Variants in PRKCE observed in about 807,000 individuals in gnomAD.
PRKCE encodes the protein protein kinase C epsilon type.
Under a neutral mutation model 85.4 loss-of-function variants are expected in PRKCE, and 16 were observed. The ratio of observed to expected loss-of-function variants is 0.19; its 90% CI spans 0.13 to 0.28. The LOEUF is 0.28. Ranked by LOEUF, PRKCE falls within the 10% of genes least tolerant of loss-of-function variation. PRKCE has a pLI of 1.00. For missense variants in PRKCE, 573 were observed against 975.2 expected (o/e 0.59, Z 5.49); for synonymous variants, 388 against 371.5 (o/e 1.04, Z -0.51).
intron 2 of PRKCE, among the ~76,000 whole-genome samples, chr2:45,877,500 A>T (rs752435960): frequency 1.3e-5 from 2 of 152,098 alleles, no homozygotes; most frequent in Non-Finnish European, 2.9e-5. Flanking sequence ...CTGACTGATT[A>T]AGTCTCTTTC....
chr2:46,126,240 A>G (rs927926118), intron 11 of PRKCE, among the ~76,000 whole-genome samples: 4 of 152,172 alleles, frequency 2.6e-5, no homozygotes, highest in African/African-American at 9.7e-5. Flanking sequence ...TAACCATCAG[A>G]TATTTACTAA....
chr2:45,961,491 T>C (rs1701374302), intron 2 of PRKCE, among the ~76,000 whole-genome samples: 1 of 152,188 alleles, frequency 6.6e-6, no homozygotes, highest in Non-Finnish European at 1.5e-5. Flanking sequence ...AAAGTCTTGT[T>C]ATTTGTTTGA....
At chr2:46,047,415 A>G (rs746470690) in intron 10 of PRKCE, among the ~76,000 whole-genome samples, 4 of 152,256 alleles carry the variant, frequency 2.6e-5, no homozygotes, top group Admixed American at 6.5e-5. Flanking sequence ...AACAAGAGAC[A>G]GAAAAAACAC....
chr2:45,732,037 T>G (rs1375143716), intron 1 of PRKCE, among the ~76,000 whole-genome samples: 1 of 152,186 alleles, frequency 6.6e-6, no homozygotes, highest in Non-Finnish European at 1.5e-5. Flanking sequence ...AGAAAGTCTT[T>G]CCTGTAAGTT....
At chr2:45,846,723 G>T (rs1298984445) in intron 2 of PRKCE, among the ~76,000 whole-genome samples, 1 of 152,210 alleles carries the variant, frequency 6.6e-6, no homozygotes, top group Non-Finnish European at 1.5e-5. Flanking sequence ...GAGTCCTTCA[G>T]ACCTGGATTG....
intron 1 of PRKCE, among the ~76,000 whole-genome samples, chr2:45,790,095 T>C (rs560980906): frequency 6.6e-6 from 1 of 152,334 alleles, no homozygotes; most frequent in Non-Finnish European, 1.5e-5. Flanking sequence ...TCTTTTGTGA[T>C]GGCTCTTGGG....
intron 1 of PRKCE, among the ~76,000 whole-genome samples, chr2:45,817,027 T>C (rs901283517): frequency 6.6e-5 from 10 of 150,590 alleles, no homozygotes; most frequent in African/African-American, 2.5e-4. Flanking sequence ...AAAGAGATCG[T>C]TGTGTAAAGA....
intron 1 of PRKCE, among the ~76,000 whole-genome samples, chr2:45,820,845 G>A (rs1689470341): frequency 6.6e-6 from 1 of 152,130 alleles, no homozygotes; most frequent in Non-Finnish European, 1.5e-5. Flanking sequence ...GTTGACCTTA[G>A]TGGCAGAAGC....
intron 2 of PRKCE, among the ~76,000 whole-genome samples, chr2:45,870,248 G>T (rs1048488639): frequency 6.6e-6 from 1 of 152,196 alleles, no homozygotes; most frequent in Non-Finnish European, 1.5e-5. Flanking sequence ...TGCTAGAAAT[G>T]CAGAACCCAA....
chr2:45,659,583 C>G (rs1326796463), intron 1 of PRKCE, among the ~76,000 whole-genome samples: 1 of 152,202 alleles, frequency 6.6e-6, no homozygotes, highest in South Asian at 2.1e-4. Context: ...CTCTCTGACC[C>G]TATCACTTGC....
chr2:45,717,042 AAGATG>A (rs10610065), intron 1 of PRKCE, among the ~76,000 whole-genome samples: 129,677 of 151,644 alleles, frequency 0.86, 55,774 homozygotes, highest in East Asian at 0.94. Flanking sequence ...TGGGTACTAC[AAGATG>A]AGATGAGATT....
rs554546832 is a variant in PRKCE, at chr2:45,874,533, A to C, written c.412+31470A>C. On this transcript the variant is annotated intron_variant, in intron 2 of 14. Transcript: ENST00000306156. ...CTTAGAGGCAAGTGACAGCCTTCCC[A>C]GACTCCCTGCCTCCTTCTTGTCTCA... 1.6e-4 allele frequency among the ~76,000 whole-genome samples: 24 copies of C among 152,334 alleles called. No individual in the cohort carries two copies. In the South Asian group the frequency reaches 4.1e-3, roughly 26 times the overall value.
At chr2:46,142,214 G>T (rs1675608643) in intron 11 of PRKCE, among the ~76,000 whole-genome samples, 1 of 152,094 alleles carries the variant, frequency 6.6e-6, no homozygotes, top group African/African-American at 2.4e-5. Flanking sequence ...GGGCTTCCCT[G>T]AGCTATCCCA....
intron 2 of PRKCE, among the ~76,000 whole-genome samples, chr2:45,973,687 T>C (rs1702252632): frequency 6.6e-6 from 1 of 152,202 alleles, no homozygotes; most frequent in African/African-American, 2.4e-5. Flanking sequence ...TTGAAATGAA[T>C]AGAGTCAAAT....
intron 10 of PRKCE, among the ~76,000 whole-genome samples, chr2:46,015,691 C>CAAAAAAAAAAAA (rs749060776): frequency 2.5e-5 from 2 of 80,798 alleles, no homozygotes; most frequent in Non-Finnish European, 4.9e-5. Flanking sequence ...AACACTAAAC[C>CAAAAAAAAAAAA]AAAAAAAAAA....
chr2:45,826,678 C>A (rs1379741348), intron 1 of PRKCE, among the ~76,000 whole-genome samples: 1 of 152,146 alleles, frequency 6.6e-6, no homozygotes, highest in Non-Finnish European at 1.5e-5. Context: ...CCAGTGCAAA[C>A]CTGCTCCTGT....
At chr2:46,035,501 C>T (rs75730981) in intron 10 of PRKCE, among the ~76,000 whole-genome samples, 3,164 of 152,302 alleles carry the variant, frequency 0.021, 111 homozygotes, top group African/African-American at 0.072. Flanking sequence ...CTCATAACTC[C>T]CCTCTTTAGT....
chr2:45,768,648 G>A (rs559110452), intron 1 of PRKCE, among the ~76,000 whole-genome samples: 66 of 152,142 alleles, frequency 4.3e-4, no homozygotes, highest in Non-Finnish European at 7.6e-4. Context: ...GACAGAGAAT[G>A]GATATTGAGC....
At chr2:46,024,984 G>A (rs1337438181) in intron 10 of PRKCE, among the ~76,000 whole-genome samples, 1 of 152,096 alleles carries the variant, frequency 6.6e-6, no homozygotes, top group Non-Finnish European at 1.5e-5. Flanking sequence ...AAAGATCTAG[G>A]AAGTATCTTT....
Sources: gnomAD v4.1 joint callset for allele counts (sites outside exome capture counted in the v4.1 genomes callset) on GRCh38, gnomAD v4.1.1 for gene constraint, MANE v1.5 for transcripts, NCBI Gene and HGNC (gene_info 2026-07-23, HGNC 2026-07-21) for gene names.